Variants in AS3MT observed in about 807,000 individuals in gnomAD.
The protein encoded by AS3MT is arsenite methyltransferase, also known as S-adenosyl-L-methionine:arsenic(III) methyltransferase.
Under a neutral mutation model 45.3 loss-of-function variants are expected in AS3MT, and 47 were observed. The observed-to-expected ratio is 1.04, with a 90% CI of 0.82 to 1.32. The LOEUF is 1.32. Among genes scored for constraint, AS3MT ranks in the 40% most tolerant of loss-of-function variants. AS3MT has a pLI of 0.00. For synonymous variants in AS3MT, 141 were observed against 152.8 expected, an observed-to-expected ratio of 0.92 and a Z score of 0.57; for missense variants, 396 against 451.1, an observed-to-expected ratio of 0.88 and a Z score of 1.11.
Position 102,900,703 on chromosome 10 carries a change from C to A in AS3MT, c.*3C>A, listed in dbSNP as rs761947124. 2 of 1,611,302 alleles carry A rather than the reference C, an allele frequency of 1.2e-6. No individual in the cohort carries two copies. The highest frequency in any genetic ancestry group is 3.3e-5 in the Admixed American group (2 of 59,996). ...GTGGCACAAAGAAAAGCTGCTAAATCTATAGCCAACCAGGGGACCACAGTA... is the reference window on the plus strand; with the variant it reads ...GTGGCACAAAGAAAAGCTGCTAAATATATAGCCAACCAGGGGACCACAGTA... On this transcript the variant is annotated 3_prime_UTR_variant, in exon 11 of 11. Transcript: ENST00000369880.
intron 9 of AS3MT, among the ~76,000 whole-genome samples, chr10:102,880,852 C>G (rs533539207): frequency 6.6e-6 from 1 of 152,122 alleles, no homozygotes; most frequent in African/African-American, 2.4e-5. Flanking sequence ...ACAGAAGGAA[C>G]AAAAACATCA....
chr10:102,900,270 C>G (rs569079527), intron 10 of AS3MT, among the ~76,000 whole-genome samples: 40 of 152,288 alleles, frequency 2.6e-4, no homozygotes, highest in Non-Finnish European at 4.0e-4. Context: ...ATTTCCGTAT[C>G]TCAGTTCCAA....
chr10:102,873,309 C>A, intron 5 of AS3MT, 76 bp downstream of exon 5: 1 of 1,177,118 alleles, frequency 8.5e-7, no homozygotes, highest in Admixed American at 3.4e-5. Context: ...GAGATGGACT[C>A]TCGCTCTGTC....
chr10:102,874,635 C>T lies in AS3MT; in HGVS notation c.502C>T (p.Leu168Phe). 6.2e-7 allele frequency: 1 copy of T among 1,610,124 alleles called. No individual in the cohort carries two copies. Residue 168 changes from leucine to phenylalanine, a missense_variant, in exon 6 of 11, where the codon CTT becomes TTT. Coordinates refer to ENST00000369880, the MANE Select transcript of AS3MT (RefSeq NM_020682.4). The stretch of plus-strand genomic sequence containing the variant: ...CCTTGTGCCTGATAAACAACAAGTG[C>T]TTCAGGAGGCATATCGGGTGCTGAA... ...INLVPDKQQV[L>F]QEAYRVLKHG...
At chr10:102,890,154 C>A (rs1845045778) in intron 9 of AS3MT, among the ~76,000 whole-genome samples, 1 of 141,678 alleles carries the variant, frequency 7.1e-6, no homozygotes, top group Non-Finnish European at 1.6e-5. Context: ...GCGCCTGCCA[C>A]TATGTCCGGC....
chr10:102,869,732 C>T, intron 1 of AS3MT, 73 bp from the exon 2 acceptor site: 1 of 1,612,524 alleles, frequency 6.2e-7, no homozygotes, highest in Non-Finnish European at 8.5e-7. Flanking sequence ...GCTGCCTGCC[C>T]TTTACTGGCC....
Position 102,874,634 on chromosome 10 carries a change from G to A in AS3MT, c.501G>A (p.Val167=). The A allele has an allele frequency of 6.2e-7, 1 of 1,610,142 alleles. No individual in the cohort carries two copies. Among genetic ancestry groups the A allele is most frequent in the Non-Finnish European group, 8.5e-7 (1 of 1,177,634 alleles). The change falls in exon 6 of 11, where the codon GTG becomes GTA. Residue 167 remains valine (V), a synonymous_variant. Transcript: ENST00000369880. ...VINLVPDKQQ[V]LQEAYRVLKH... ...ACCTTGTGCCTGATAAACAACAAGT[G>A]CTTCAGGAGGCATATCGGGTGCTGA...
At chr10:102,888,935 G>A (rs1354749640) in intron 9 of AS3MT, among the ~76,000 whole-genome samples, 1 of 134,868 alleles carries the variant, frequency 7.4e-6, no homozygotes, top group East Asian at 2.2e-4. Context: ...CTGTCGCCCA[G>A]GCTAGAGTGC....
Position 102,885,783 on chromosome 10 carries a change from C to T in AS3MT, c.886-4761C>T, listed in dbSNP as rs542232609. On this transcript the variant is annotated intron_variant, in intron 9 of 10. Transcript: ENST00000369880. The stretch of plus-strand genomic sequence containing the variant: ...TGACCTCGTGATCCGCCCGCCTCGG[C>T]CTCCCAAAGTGCTGGGATTACAGGC... 4.3e-4 allele frequency among the ~76,000 whole-genome samples: 34 copies of T among 79,904 alleles called. 6 individuals are homozygous for T. The highest frequency in any genetic ancestry group is 1.4e-3 in the African/African-American group (33 of 22,926). The allele number at this position is 79,904 out of a possible 152,430, so 52.4% of individuals were successfully genotyped here.
chr10:102,900,854 C>CCAATGG lies in AS3MT; in HGVS notation c.*154_*155insCAATGG. ...ATCCCAGCACTTTGGGAGGCCGAGG[C>CCAATGG]AGGCAGATCACCTGAGGTCAGGAGT... On this transcript the variant is annotated 3_prime_UTR_variant, in exon 11 of 11. Transcript: ENST00000369880. 1.8e-6 allele frequency: 1 copy of CCAATGG among 550,242 alleles called. No homozygotes were observed. Among genetic ancestry groups the CCAATGG allele is most frequent in the Non-Finnish European group, 3.2e-6 (1 of 309,228 alleles). 34.1% of individuals were successfully genotyped at this position (550,242 alleles called of 1,614,324 possible). A position where few individuals can be genotyped will look rare whatever the true frequency, so the allele number is the denominator to read the frequency against.
intron 9 of AS3MT, among the ~76,000 whole-genome samples, chr10:102,889,737 G>A (rs994018626): frequency 6.7e-6 from 1 of 149,042 alleles, no homozygotes; most frequent in Admixed American, 6.8e-5. Context: ...GTGCAGTGGC[G>A]CAATCTCAGC....
chr10:102,890,775 A>T (rs1845057347), intron 10 of AS3MT, 97 bp downstream of exon 10: 2 of 1,210,778 alleles, frequency 1.7e-6, no homozygotes, highest in Non-Finnish European at 2.3e-6. Context: ...CAGTGGTGTG[A>T]TCTTGGCTCA....
chr10:102,878,291 C>T, intron 7 of AS3MT, 88 bp from the exon 8 acceptor site: 1 of 1,506,636 alleles, frequency 6.6e-7, no homozygotes. Flanking sequence ...AATACCATGT[C>T]CTAATTAATT....
rs559139049 is a variant in AS3MT, at chr10:102,889,614, G to GCCTGCCTTCCTTCCTT, written c.886-927_886-926insGCCTTCCTTCCTTCCT. On this transcript the variant is annotated intron_variant, in intron 9 of 10. Transcript: ENST00000369880. ...CTTCCCTTCCCCTGCCTGTCTGCCTGCCTTCCTTCCTTCCTTCCTTCCTTC... is the reference window on the plus strand; with the variant it reads ...CTTCCCTTCCCCTGCCTGTCTGCCTGCCTGCCTTCCTTCCTTCCTTCCTTCCTTCCTTCCTTCCTTC... Among the ~76,000 whole-genome samples the GCCTGCCTTCCTTCCTT allele has an allele frequency of 1.1e-3, 124 of 114,042 alleles. 1 individual carries two copies. Among genetic ancestry groups the GCCTGCCTTCCTTCCTT allele is most frequent in the African/African-American group, 3.7e-3 (120 of 32,088 alleles). The allele number at this position is 114,042 out of a possible 152,430, so 74.8% of individuals were successfully genotyped here.
chr10:102,878,516 A>G lies in AS3MT; in HGVS notation c.742+6A>G, dbSNP rs1590221400. ...GGAACTGGAAAGAGTTATCGGTAAGATATGACAGACAGCAGGGACTATTAT... is the reference window on the plus strand; with the variant it reads ...GGAACTGGAAAGAGTTATCGGTAAGGTATGACAGACAGCAGGGACTATTAT... On this transcript the variant is annotated splice_donor_region_variant and intron_variant, in intron 8 of 10. Transcript: ENST00000369880. 1 of 1,613,688 alleles carries G rather than the reference A, an allele frequency of 6.2e-7. No individual in the cohort carries two copies. Among genetic ancestry groups the G allele is most frequent in the South Asian group, 1.1e-5 (1 of 91,014 alleles).
intron 10 of AS3MT, among the ~76,000 whole-genome samples, chr10:102,892,781 G>T (rs1386814128): frequency 6.6e-6 from 1 of 151,976 alleles, no homozygotes; most frequent in South Asian, 2.1e-4. Context: ...TTCAAGACCA[G>T]CCTGGGCAAC....
At chr10:102,895,581 G>T (rs539678224) in intron 10 of AS3MT, among the ~76,000 whole-genome samples, 1 of 152,216 alleles carries the variant, frequency 6.6e-6, no homozygotes, top group South Asian at 2.1e-4. Context: ...TATTTTAAAT[G>T]CATTGGTCTC....
At chr10:102,875,817 T>A (rs1038966574) in intron 6 of AS3MT, among the ~76,000 whole-genome samples, 16 of 151,850 alleles carry the variant, frequency 1.1e-4, no homozygotes, top group African/African-American at 3.9e-4. Flanking sequence ...GAGACAAGAT[T>A]TCACCATATT....
intron 4 of AS3MT, among the ~76,000 whole-genome samples, chr10:102,872,821 A>G (rs1844715881): frequency 6.6e-6 from 1 of 152,216 alleles, no homozygotes; most frequent in Non-Finnish European, 1.5e-5. Flanking sequence ...TGATATGAAT[A>G]TCGTGACGAT....
Sources: gnomAD v4.1 joint callset for allele counts (sites outside exome capture counted in the v4.1 genomes callset) on GRCh38, gnomAD v4.1.1 for gene constraint, MANE v1.5 for transcripts, NCBI Gene and HGNC (gene_info 2026-07-23, HGNC 2026-07-21) for gene names.